Variants in MAGI1 observed in about 807,000 individuals in gnomAD.
MAGI1 encodes the protein membrane associated guanylate kinase, WW and PDZ domain containing 1, also known as membrane-associated guanylate kinase, WW and PDZ domain-containing protein 1.
In MAGI1, 58 loss-of-function variants were observed where a neutral mutation model predicts 139.9. The ratio of observed to expected loss-of-function variants is 0.41; its 90% CI spans 0.34 to 0.52. The LOEUF (loss-of-function observed/expected upper bound fraction) is 0.52, where lower values mean the gene tolerates loss of function less well. Among genes scored for constraint, MAGI1 ranks in the 20% least tolerant of loss-of-function variants. The pLI is 0.12. For synonymous variants in MAGI1, 812 were observed against 737.9 expected (o/e 1.10, Z -1.63); for missense variants, 1,874 against 1,901.6 (o/e 0.99, Z 0.27).
chr3:65,388,500 C>T (rs1275218888), intron 14 of MAGI1, among the ~76,000 whole-genome samples: 2 of 151,870 alleles, frequency 1.3e-5, no homozygotes, highest in African/African-American at 2.4e-5. Context: ...ACAAAACAAC[C>T]TAAGAGAATG....
rs918762799 is a variant in MAGI1, at chr3:65,726,050, C to A, written c.314-103962G>T. On this transcript the variant is annotated intron_variant, in intron 1 of 22. Coordinates refer to ENST00000402939, the MANE Select transcript of MAGI1 (RefSeq NM_001033057.2). ...TTAAAGTAATATATATGAACATATT[C>A]TTGGCAGAGTATAGTAAAGAAATAT... 2.0e-5 allele frequency among the ~76,000 whole-genome samples: 3 copies of A among 152,108 alleles called. No homozygotes were observed. The South Asian group carries it at 6.2e-4, about 32-fold the overall frequency.
intron 3 of MAGI1, among the ~76,000 whole-genome samples, chr3:65,488,382 G>A (rs1020811922): frequency 6.6e-6 from 1 of 151,946 alleles, no homozygotes; most frequent in South Asian, 2.1e-4. Context: ...TGTCACCCAG[G>A]CTGGAGTGCA....
Position 65,868,987 on chromosome 3 carries a change from G to A in MAGI1, c.313+169009C>T, listed in dbSNP as rs185520210. ...ACTTCTAACATACCTCATAATTACT[G>A]CCGGGCGCGGTGGCTCACGCTTGTA... On this transcript the variant is annotated intron_variant, in intron 1 of 22. Coordinates refer to ENST00000402939, the MANE Select transcript of MAGI1 (RefSeq NM_001033057.2). 1.7e-4 allele frequency among the ~76,000 whole-genome samples: 26 copies of A among 152,008 alleles called. No individual in the cohort carries two copies. In the East Asian group the frequency reaches 4.9e-3, roughly 29 times the overall value.
intron 12 of MAGI1, among the ~76,000 whole-genome samples, chr3:65,420,794 G>T (rs1403343373): frequency 6.6e-6 from 1 of 152,180 alleles, no homozygotes; most frequent in African/African-American, 2.4e-5. Flanking sequence ...GAACACATTT[G>T]TAATAAATAA....
chr3:65,477,813 A>C (rs572085754), intron 4 of MAGI1, among the ~76,000 whole-genome samples: 442 of 151,172 alleles, frequency 2.9e-3, no homozygotes, highest in South Asian at 8.6e-3. Flanking sequence ...TTTGCCCTTC[A>C]GGGAACACAC....
At chr3:65,405,119 C>G (rs1428513141) in intron 12 of MAGI1, among the ~76,000 whole-genome samples, 2 of 152,070 alleles carry the variant, frequency 1.3e-5, no homozygotes, top group Non-Finnish European at 2.9e-5. Context: ...CTAAGGGATC[C>G]CAGAAAACTA....
At chr3:65,712,223 G>C (rs1474918003) in intron 1 of MAGI1, among the ~76,000 whole-genome samples, 1 of 152,044 alleles carries the variant, frequency 6.6e-6, no homozygotes, top group Non-Finnish European at 1.5e-5. Context: ...AGGTCAAAGG[G>C]TTAAGAGAAT....
intron 12 of MAGI1, among the ~76,000 whole-genome samples, chr3:65,406,157 T>C (rs574438084): frequency 6.6e-6 from 1 of 152,116 alleles, no homozygotes; most frequent in Non-Finnish European, 1.5e-5. Context: ...TGCATACATA[T>C]AGTTTTATTA....
intron 2 of MAGI1, among the ~76,000 whole-genome samples, chr3:65,514,772 T>C (rs192531119): frequency 0.43 from 37,515 of 86,788 alleles, 5,564 homozygotes; most frequent in East Asian, 0.55. Context: ...GGATCTAGAA[T>C]TAGAAATACC....
intron 1 of MAGI1, among the ~76,000 whole-genome samples, chr3:65,717,143 A>G (rs1274047442): frequency 6.6e-6 from 1 of 152,210 alleles, no homozygotes; most frequent in Admixed American, 6.5e-5. Flanking sequence ...AGAGAAATAT[A>G]TATGATAACA....
intron 1 of MAGI1, among the ~76,000 whole-genome samples, chr3:65,939,238 C>T (rs1298326046): frequency 6.6e-6 from 1 of 152,076 alleles, no homozygotes; most frequent in Non-Finnish European, 1.5e-5. Context: ...AAAAAAATGC[C>T]TTTTGTATCT....
intron 1 of MAGI1, among the ~76,000 whole-genome samples, chr3:65,943,855 C>A (rs1012024395): frequency 6.6e-5 from 10 of 152,132 alleles, no homozygotes; most frequent in African/African-American, 2.4e-4. Flanking sequence ...ACTTTGTACA[C>A]CTTAACAACA....
chr3:65,769,834 T>C (rs1406514127), intron 1 of MAGI1, among the ~76,000 whole-genome samples: 2 of 152,212 alleles, frequency 1.3e-5, no homozygotes, highest in Non-Finnish European at 2.9e-5. Context: ...GGTTTTCGGA[T>C]AGAAGGTGGC....
At chr3:65,594,460 T>C (rs1422034560) in intron 2 of MAGI1, among the ~76,000 whole-genome samples, 1 of 152,210 alleles carries the variant, frequency 6.6e-6, no homozygotes, top group African/African-American at 2.4e-5. Context: ...TTAGTGTTTA[T>C]AACACTTCAA....
intron 1 of MAGI1, among the ~76,000 whole-genome samples, chr3:65,869,218 T>A (rs1318033497): frequency 7.1e-6 from 1 of 141,496 alleles, no homozygotes; most frequent in Non-Finnish European, 1.5e-5. Flanking sequence ...ATCGCGCCAC[T>A]GCACTCCAGC....
intron 1 of MAGI1, among the ~76,000 whole-genome samples, chr3:65,656,630 C>T (rs1351106191): frequency 6.6e-6 from 1 of 151,992 alleles, no homozygotes; most frequent in Non-Finnish European, 1.5e-5. Flanking sequence ...GAAGAAAGGC[C>T]ACCTAACAAA....
rs117134662 is a variant in MAGI1 at position 65,453,039 on chromosome 3, T to C, written c.1042+219A>G. 2.6e-3 allele frequency: 1,350 copies of C among 524,228 alleles called. 21 individuals carry two copies. The East Asian group carries it at 0.037, about 15-fold the overall frequency. The allele number at this position is 524,228 out of a possible 1,614,324, so 32.5% of individuals were successfully genotyped here. On this transcript the variant is annotated intron_variant, in intron 6 of 22. Coordinates refer to ENST00000402939, the MANE Select transcript of MAGI1 (RefSeq NM_001033057.2). ...CTGACTGTTCTGCTTCTAATGGAGA[T>C]ATTAGTAAGCATCTGTCTTTATGTG...
intron 4 of MAGI1, among the ~76,000 whole-genome samples, chr3:65,471,868 C>A (rs1219825877): frequency 6.6e-6 from 1 of 152,172 alleles, no homozygotes; most frequent in Non-Finnish European, 1.5e-5. Context: ...CTAATAGGTT[C>A]TCATGCTGCA....
chr3:65,394,823 T>C (rs1944254785), intron 13 of MAGI1, among the ~76,000 whole-genome samples: 1 of 152,210 alleles, frequency 6.6e-6, no homozygotes, highest in African/African-American at 2.4e-5. Flanking sequence ...TTCAGCAGTC[T>C]GGATCACCTC....
Sources: allele counts gnomAD v4.1 joint callset (sites outside exome capture counted in the v4.1 genomes callset), GRCh38; gene constraint gnomAD v4.1.1; transcripts MANE v1.5; gene names NCBI Gene and HGNC (gene_info 2026-07-23, HGNC 2026-07-21).